The following LOC102723971 variants were observed in gnomAD, a reference collection of about 807,000 sequenced individuals.
At chr9:135,618,725 G>A in the LOC102723971 span, among the ~76,000 whole-genome samples, 2 of 151,828 alleles carry the variant, frequency 1.3e-5, no homozygotes, top group African/African-American at 4.8e-5. Flanking sequence ...GGGGCAGTGG[G>A]TGGGGCCTTG....
chr9:135,618,848 A>G, the LOC102723971 span: 2 of 398,514 alleles, frequency 5.0e-6, no homozygotes, highest in African/African-American at 4.1e-5. Context: ...GTTTTGTGCT[A>G]TGTGATTGAT....
chr9:135,617,593 G>T, the LOC102723971 span, among the ~76,000 whole-genome samples: 2 of 152,172 alleles, frequency 1.3e-5, no homozygotes, highest in Non-Finnish European at 1.5e-5. Context: ...AGGTTGAGGG[G>T]TTGGGAGGGG....
the LOC102723971 span, among the ~76,000 whole-genome samples, chr9:135,618,334 C>T: frequency 1.3e-5 from 2 of 152,120 alleles, no homozygotes; most frequent in Non-Finnish European, 2.9e-5. Flanking sequence ...AGATCTCCAG[C>T]CTCCTGAGCC....
chr9:135,615,312 C>T, the LOC102723971 span: 1 of 397,494 alleles, frequency 2.5e-6, no homozygotes, highest in Non-Finnish European at 4.4e-6. Context: ...GGGAGTGCCA[C>T]ACAGCCGGGC....
the LOC102723971 span, chr9:135,617,049 T>C: frequency 2.5e-6 from 1 of 398,570 alleles, no homozygotes. Context: ...CACTGGCAGG[T>C]GCAGTGCCTC....
the LOC102723971 span, chr9:135,616,636 T>C: frequency 2.5e-6 from 1 of 398,642 alleles, no homozygotes; most frequent in Non-Finnish European, 4.4e-6. Flanking sequence ...TCCAACCCAG[T>C]TGCAAGGCCA....
chr9:135,616,563 C>T, the LOC102723971 span: 2 of 398,582 alleles, frequency 5.0e-6, no homozygotes, highest in African/African-American at 4.1e-5. Flanking sequence ...CTGACCAGGC[C>T]CTGGTTCCTT....
At chr9:135,618,932 G>A in the LOC102723971 span, 1 of 399,130 alleles carries the variant, frequency 2.5e-6, no homozygotes, top group African/African-American at 2.1e-5. Flanking sequence ...CTGCTCCACA[G>A]GCCCATGTCC....
At chr9:135,615,619 C>T in the LOC102723971 span, 3 of 397,492 alleles carry the variant, frequency 7.5e-6, no homozygotes, top group South Asian at 1.4e-4. Context: ...CCCAAGACCC[C>T]GCTCCAAGAG....
chr9:135,615,516 C>T, the LOC102723971 span: 2 of 398,760 alleles, frequency 5.0e-6, no homozygotes, highest in East Asian at 7.1e-5. Flanking sequence ...CGGCTCCTGC[C>T]GCCCCTCTCA....
the LOC102723971 span, chr9:135,614,399 T>G: frequency 2.6e-6 from 1 of 390,902 alleles, no homozygotes; most frequent in Non-Finnish European, 4.5e-6. Flanking sequence ...AACAACGGCT[T>G]GAGTGTCACA....
chr9:135,619,362 G>A, the LOC102723971 span, among the ~76,000 whole-genome samples: 3 of 152,064 alleles, frequency 2.0e-5, no homozygotes, highest in Non-Finnish European at 4.4e-5. Context: ...GTAGTCCCAG[G>A]TGCCTCCGAT....
the LOC102723971 span, among the ~76,000 whole-genome samples, chr9:135,617,578 C>A: frequency 6.6e-6 from 1 of 151,948 alleles, no homozygotes; most frequent in Non-Finnish European, 1.5e-5. Flanking sequence ...GCCCCAGGGC[C>A]AAGAAGGTTG....
At chr9:135,619,847 C>G in the LOC102723971 span, among the ~76,000 whole-genome samples, 2 of 127,758 alleles carry the variant, frequency 1.6e-5, no homozygotes, top group Non-Finnish European at 3.4e-5. Flanking sequence ...TCCAGTGAGG[C>G]CTTCTCCCCC....
At chr9:135,617,679 G>C in the LOC102723971 span, among the ~76,000 whole-genome samples, 1 of 152,138 alleles carries the variant, frequency 6.6e-6, no homozygotes, top group Admixed American at 6.5e-5. Flanking sequence ...TCCTTCCAGG[G>C]GCATTTTACC....
chr9:135,616,980 G>T, the LOC102723971 span: 1 of 398,658 alleles, frequency 2.5e-6, no homozygotes, highest in Non-Finnish European at 4.4e-6. Context: ...CGTGCGCTTT[G>T]AGGATGATGA....
chr9:135,617,776 G>T, the LOC102723971 span, among the ~76,000 whole-genome samples: 2 of 152,188 alleles, frequency 1.3e-5, no homozygotes, highest in Non-Finnish European at 2.9e-5. Context: ...AGGTCGCAGA[G>T]GGGGTGCTGC....
the LOC102723971 span, among the ~76,000 whole-genome samples, chr9:135,614,650 G>A: frequency 2.6e-5 from 4 of 152,172 alleles, no homozygotes; most frequent in African/African-American, 4.8e-5. Context: ...GGCGGCAGCC[G>A]GAGAAACAGA....
At chr9:135,615,121 C>T in the LOC102723971 span, among the ~76,000 whole-genome samples, 1 of 152,216 alleles carries the variant, frequency 6.6e-6, no homozygotes, top group South Asian at 2.1e-4. Context: ...CGACCACCTG[C>T]TGACCATGCT....
Sources: gnomAD v4.1 joint callset for allele counts (sites outside exome capture counted in the v4.1 genomes callset) on GRCh38, gnomAD v4.1.1 for gene constraint, MANE v1.5 for transcripts.